The following KIF18A variants were observed in gnomAD, a reference collection of about 807,000 sequenced individuals.
KIF18A encodes the protein kinesin-like protein KIF18A.
Under a neutral mutation model 103.3 loss-of-function variants are expected in KIF18A, and 67 were observed. That is an observed-to-expected ratio of 0.65 (90% CI 0.53 to 0.79). The LOEUF (loss-of-function observed/expected upper bound fraction) is 0.79, where lower values mean the gene tolerates loss of function less well. KIF18A is among the 30% of genes least tolerant of loss of function. The pLI is 0.00. For synonymous variants in KIF18A, 367 were observed against 355.5 expected (o/e 1.03, Z -0.36); for missense variants, 1,032 against 1,062.5 (o/e 0.97, Z 0.40).
At chr11:28,100,565 G>GC (rs932090844) in intron 1 of KIF18A, among the ~76,000 whole-genome samples, 1 of 150,720 alleles carries the variant, frequency 6.6e-6, no homozygotes, top group South Asian at 2.1e-4. Flanking sequence ...GAGTGAAGGG[G>GC]GGGGGTGGTG....
At chr11:28,094,132 G>T (rs1226912928) in intron 3 of KIF18A, among the ~76,000 whole-genome samples, 1 of 151,908 alleles carries the variant, frequency 6.6e-6, no homozygotes, top group African/African-American at 2.4e-5. Context: ...TGTTATAAAA[G>T]ACAAAAAATT....
intron 15 of KIF18A, among the ~76,000 whole-genome samples, chr11:28,034,905 ACAAC>A: frequency 6.6e-6 from 1 of 151,730 alleles, no homozygotes; most frequent in Non-Finnish European, 1.5e-5. Flanking sequence ...TGCACTTTTT[ACAAC>A]TGTTCTTGAT....
At chr11:28,088,284 CTGGT>C (rs1851257500) in intron 6 of KIF18A, among the ~76,000 whole-genome samples, 1 of 152,030 alleles carries the variant, frequency 6.6e-6, no homozygotes, top group African/African-American at 2.4e-5. Context: ...AACTATCAAT[CTGGT>C]ATTCATTACT....
chr11:28,042,530 G>C (rs1475175180), intron 13 of KIF18A, among the ~76,000 whole-genome samples: 2 of 151,936 alleles, frequency 1.3e-5, no homozygotes, highest in Admixed American at 6.6e-5. Context: ...GTTTAAGGAA[G>C]CTTGAAAATG....
At chr11:28,022,844 T>G (rs11030187) in intron 16 of KIF18A, among the ~76,000 whole-genome samples, 57,871 of 151,936 alleles carry the variant, frequency 0.38, 12,670 homozygotes, top group African/African-American at 0.6. Context: ...ACCAATATAG[T>G]TTGACAAAGT....
intron 13 of KIF18A, among the ~76,000 whole-genome samples, chr11:28,052,364 CCCTTT>C (rs1351201370): frequency 6.6e-6 from 1 of 152,116 alleles, no homozygotes; most frequent in Non-Finnish European, 1.5e-5. Context: ...TGCCTTCCTT[CCCTTT>C]ATCTCTCTGA....
intron 11 of KIF18A, among the ~76,000 whole-genome samples, chr11:28,066,209 A>G (rs1780788112): frequency 6.6e-6 from 1 of 152,066 alleles, no homozygotes; most frequent in Non-Finnish European, 1.5e-5. Context: ...GTCTCCAAAT[A>G]AACTATTAAA....
chr11:28,075,419 T>C (rs1453048209), intron 10 of KIF18A, among the ~76,000 whole-genome samples: 1 of 152,226 alleles, frequency 6.6e-6, no homozygotes, highest in Non-Finnish European at 1.5e-5. Context: ...TGGGGTTTTC[T>C]GAGAATTAAA....
In KIF18A at chr11:28,088,711, C is replaced by A. The variant is rs201394943; in HGVS notation, c.710G>T (p.Arg237Leu). 1.9e-6 allele frequency: 3 copies of A among 1,611,976 alleles called. No homozygotes were observed. The highest frequency in any genetic ancestry group is 1.7e-5 in the Admixed American group (1 of 59,876). The change falls in exon 6 of 17, where the codon CGA becomes CTA. Residue 237 changes from arginine to leucine, a missense_variant. Arg to Leu is a moderately radical substitution (Grantham distance 102). Coordinates refer to ENST00000263181, the MANE Select transcript of KIF18A (RefSeq NM_031217.4). ...GATACTTGCTGTTTTGTCTTGTTGT[C>A]GCAAGTAAATCTTTTTGAAATTACA... is the stretch of plus-strand genomic sequence containing the variant. ...RSHAVFQIYL[R>L]QQDKTASINQ...
chr11:28,053,648 T>A (rs1565077125), intron 13 of KIF18A, among the ~76,000 whole-genome samples: 2 of 1,780 alleles, frequency 1.1e-3, no homozygotes, highest in African/African-American at 5.7e-3. Context: ...ATGCTATCCC[T>A]CCCCCCTTTC....
chr11:28,095,394 T>C (rs367698054), intron 2 of KIF18A, among the ~76,000 whole-genome samples: 1 of 152,240 alleles, frequency 6.6e-6, no homozygotes. Flanking sequence ...AGCACAAATA[T>C]CATTTTTCTC....
At chr11:28,068,212 G>A (rs1359834913) in intron 11 of KIF18A, among the ~76,000 whole-genome samples, 1 of 152,048 alleles carries the variant, frequency 6.6e-6, no homozygotes, top group African/African-American at 2.4e-5. Flanking sequence ...ACAAGTGGGA[G>A]TTGAACAATG....
At chr11:28,051,169 A>G (rs1018923140) in intron 13 of KIF18A, among the ~76,000 whole-genome samples, 13 of 152,010 alleles carry the variant, frequency 8.6e-5, no homozygotes, top group African/African-American at 3.1e-4. Context: ...TTTATGAATT[A>G]AAAAAATTTC....
intron 10 of KIF18A, among the ~76,000 whole-genome samples, chr11:28,072,519 A>G (rs1851033073): frequency 6.6e-6 from 1 of 152,132 alleles, no homozygotes; most frequent in Non-Finnish European, 1.5e-5. Flanking sequence ...GTTTACTCAT[A>G]CTACAGTTTG....
chr11:28,086,339 T>C (rs2133556062), intron 6 of KIF18A, among the ~76,000 whole-genome samples: 1 of 152,276 alleles, frequency 6.6e-6, no homozygotes, highest in East Asian at 1.9e-4. Flanking sequence ...GTTACAGACA[T>C]TTCTCCTGAA....
At chr11:28,100,146 TA>T (rs1851427066) in intron 1 of KIF18A, among the ~76,000 whole-genome samples, 1 of 151,872 alleles carries the variant, frequency 6.6e-6, no homozygotes, top group South Asian at 2.1e-4. Context: ...GAGATGGAAA[TA>T]AGAAGCAGGG....
chr11:28,063,609 G>A (rs548033968), intron 11 of KIF18A, among the ~76,000 whole-genome samples: 15 of 151,924 alleles, frequency 9.9e-5, no homozygotes, highest in African/African-American at 3.1e-4. Context: ...ATATATCAGC[G>A]AAGGGATTAC....
intron 10 of KIF18A, among the ~76,000 whole-genome samples, chr11:28,072,004 C>G (rs1429209047): frequency 6.6e-6 from 1 of 152,102 alleles, no homozygotes; most frequent in African/African-American, 2.4e-5. Context: ...CTTTTTACTT[C>G]TAATGTCCAT....
At chr11:28,044,417 G>A (rs894337749) in intron 13 of KIF18A, among the ~76,000 whole-genome samples, 3 of 152,022 alleles carry the variant, frequency 2.0e-5, no homozygotes, top group Non-Finnish European at 4.4e-5. Context: ...ATAAATCAGA[G>A]CTTTGTTTAA....
Sources: gnomAD v4.1 joint callset for allele counts (sites outside exome capture counted in the v4.1 genomes callset) on GRCh38, gnomAD v4.1.1 for gene constraint, MANE v1.5 for transcripts, NCBI Gene and HGNC (gene_info 2026-07-23, HGNC 2026-07-21) for gene names.